HS3ST4: variants seen among roughly 807,000 people sequenced by gnomAD.
The protein encoded by HS3ST4 is heparan sulfate-glucosamine 3-sulfotransferase 4.
A neutral mutation model predicts 29.2 loss-of-function variants in HS3ST4; 17 were observed. The ratio of observed to expected loss-of-function variants is 0.58; its 90% CI spans 0.40 to 0.87. The LOEUF (loss-of-function observed/expected upper bound fraction) is 0.87. HS3ST4 is among the 40% of genes least tolerant of loss of function. HS3ST4 has a pLI of 0.00. For synonymous variants in HS3ST4, 314 were observed against 285.7 expected (o/e 1.10, Z -1.00); for missense variants, 627 against 634.5 (o/e 0.99, Z 0.13).
intron 1 of HS3ST4, among the ~76,000 whole-genome samples, chr16:25,857,919 C>T (rs12446212): frequency 0.31 from 18,087 of 57,778 alleles, 2,884 homozygotes; most frequent in East Asian, 0.52. Flanking sequence ...TTCCTTCCTT[C>T]CTTTCTTTCT....
intron 1 of HS3ST4, among the ~76,000 whole-genome samples, chr16:25,795,799 G>A (rs1340781132): frequency 6.6e-6 from 1 of 152,122 alleles, no homozygotes; most frequent in South Asian, 2.1e-4. Context: ...GTGTGGCTCA[G>A]TCTATCTTTT....
chr16:25,791,401 A>G (rs1966868838), intron 1 of HS3ST4, among the ~76,000 whole-genome samples: 1 of 152,002 alleles, frequency 6.6e-6, no homozygotes, highest in South Asian at 2.1e-4. Flanking sequence ...ATATTTTAGA[A>G]TCGTCTTGTT....
At position 25,997,203 on chromosome 16, in the gene HS3ST4, A is replaced by G. The variant is rs780021596; in HGVS notation, c.735-138409A>G. Among the ~76,000 whole-genome samples, 25 of 152,204 alleles carry G rather than the reference A, an allele frequency of 1.6e-4. 1 individual carries two copies. On this transcript the variant is annotated intron_variant, in intron 1 of 1. Transcript: ENST00000331351. ...TCCTTTTCTTGTCTTATTGTATTTT[A>G]TAAAACTTCCAGAAAAATGCAAAAT...
chr16:26,001,460 T>C (rs980186841), intron 1 of HS3ST4, among the ~76,000 whole-genome samples: 1 of 152,202 alleles, frequency 6.6e-6, no homozygotes, highest in Non-Finnish European at 1.5e-5. Flanking sequence ...GCAACCTTTC[T>C]GTAAGTTTGA....
intron 1 of HS3ST4, among the ~76,000 whole-genome samples, chr16:25,844,908 GAAGGTGA>G (rs991713362): frequency 6.6e-6 from 1 of 152,188 alleles, no homozygotes; most frequent in Non-Finnish European, 1.5e-5. Context: ...GGACATGGAT[GAAGGTGA>G]AAGCCATTAT....
chr16:25,898,092 C>T (rs1278020201), intron 1 of HS3ST4, among the ~76,000 whole-genome samples: 3 of 152,184 alleles, frequency 2.0e-5, no homozygotes, highest in Non-Finnish European at 4.4e-5. Context: ...GAATTCACCC[C>T]GGCCTCTGTC....
intron 1 of HS3ST4, among the ~76,000 whole-genome samples, chr16:25,992,078 T>A (rs1969119186): frequency 6.6e-6 from 1 of 152,182 alleles, no homozygotes; most frequent in African/African-American, 2.4e-5. Flanking sequence ...GTTTGTAAAG[T>A]ATCTACCAAG....
intron 1 of HS3ST4, among the ~76,000 whole-genome samples, chr16:26,132,839 A>T (rs1017361454): frequency 2.0e-5 from 3 of 152,244 alleles, no homozygotes; most frequent in African/African-American, 4.8e-5. Flanking sequence ...CCGTATAAAA[A>T]TAGCTATTTT....
At chr16:25,829,574 C>T (rs1204721812) in intron 1 of HS3ST4, among the ~76,000 whole-genome samples, 1 of 151,992 alleles carries the variant, frequency 6.6e-6, no homozygotes, top group Non-Finnish European at 1.5e-5. Flanking sequence ...CCTCCCCTTG[C>T]CCCGACCCTG....
At chr16:25,874,559 T>G (rs1278793138) in intron 1 of HS3ST4, among the ~76,000 whole-genome samples, 2 of 152,138 alleles carry the variant, frequency 1.3e-5, no homozygotes, top group East Asian at 1.9e-4. Context: ...ATCCATCAAT[T>G]TTTCCATCCA....
At chr16:26,042,132 C>T (rs1969641119) in intron 1 of HS3ST4, among the ~76,000 whole-genome samples, 1 of 152,130 alleles carries the variant, frequency 6.6e-6, no homozygotes, top group Non-Finnish European at 1.5e-5. Flanking sequence ...GTGCCCCCCG[C>T]CTGCCTTATG....
intron 1 of HS3ST4, among the ~76,000 whole-genome samples, chr16:26,016,557 C>A (rs1373821162): frequency 6.6e-6 from 1 of 152,148 alleles, no homozygotes; most frequent in East Asian, 1.9e-4. Flanking sequence ...GGCCCTTCAT[C>A]CACAATAATA....
chr16:25,872,877 A>G (rs931662370), intron 1 of HS3ST4, among the ~76,000 whole-genome samples: 3 of 139,408 alleles, frequency 2.2e-5, no homozygotes, highest in African/African-American at 7.7e-5. Context: ...AGCTATTTCA[A>G]GGAGTTTTGT....
intron 1 of HS3ST4, among the ~76,000 whole-genome samples, chr16:26,064,244 T>C (rs1286808866): frequency 2.0e-5 from 3 of 152,222 alleles, no homozygotes; most frequent in African/African-American, 7.2e-5. Context: ...TTGCAAGAGA[T>C]GATGGAAATC....
intron 1 of HS3ST4, among the ~76,000 whole-genome samples, chr16:25,761,437 G>A (rs1966788103): frequency 6.6e-6 from 1 of 152,188 alleles, no homozygotes; most frequent in Admixed American, 6.5e-5. Flanking sequence ...AAAGGTCACA[G>A]GTACCTAGCA....
intron 1 of HS3ST4, among the ~76,000 whole-genome samples, chr16:25,864,189 CA>C (rs1417155111): frequency 2.0e-5 from 3 of 152,178 alleles, no homozygotes; most frequent in Non-Finnish European, 4.4e-5. Flanking sequence ...GAAAAATTAA[CA>C]AATAAAAATT....
At chr16:25,801,109 A>G (rs1207029192) in intron 1 of HS3ST4, among the ~76,000 whole-genome samples, 1 of 152,114 alleles carries the variant, frequency 6.6e-6, no homozygotes, top group Non-Finnish European at 1.5e-5. Flanking sequence ...ATTTCTGACA[A>G]GCTCCCAGGT....
intron 1 of HS3ST4, among the ~76,000 whole-genome samples, chr16:26,031,611 C>CCAAAAGGGAAGAA (rs1338719225): frequency 6.6e-6 from 1 of 151,904 alleles, no homozygotes; most frequent in Admixed American, 6.6e-5. Flanking sequence ...AAATTAAAAA[C>CCAAAAGGGAAGAA]CAAAAGGGAA....
chr16:25,858,729 G>A (rs904506193), intron 1 of HS3ST4, among the ~76,000 whole-genome samples: 1 of 152,018 alleles, frequency 6.6e-6, no homozygotes, highest in Non-Finnish European at 1.5e-5. Flanking sequence ...ATTTCAGTAA[G>A]TTATATTTTC....
Sources: gnomAD v4.1 joint callset for allele counts (sites outside exome capture counted in the v4.1 genomes callset) on GRCh38, gnomAD v4.1.1 for gene constraint, MANE v1.5 for transcripts, NCBI Gene and HGNC (gene_info 2026-07-23, HGNC 2026-07-21) for gene names.